Variants in MLLT1 observed in about 807,000 individuals in gnomAD.
MLLT1 encodes MLLT1 super elongation complex subunit, also known as protein ENL.
Under a neutral mutation model 55.1 loss-of-function variants are expected in MLLT1, and 11 were observed. That is an observed-to-expected ratio of 0.20 (90% confidence interval 0.13 to 0.33). MLLT1 has a LOEUF of 0.33. Among genes scored for constraint, MLLT1 ranks in the 10% least tolerant of loss-of-function variants. The pLI is 1.00. For synonymous variants in MLLT1, 323 were observed against 320.1 expected (o/e 1.01, Z -0.10); for missense variants, 536 against 760.6 (o/e 0.70, Z 3.47).
At chr19:6,253,805 T>C (rs1460488947) in intron 3 of MLLT1, among the ~76,000 whole-genome samples, 1 of 152,184 alleles carries the variant, frequency 6.6e-6, no homozygotes, top group Non-Finnish European at 1.5e-5. Flanking sequence ...AAAAACGTCA[T>C]TCAGCAAACT....
rs1384243236 is a variant in MLLT1, at chr19:6,216,490, C to T, written c.1222G>A (p.Asp408Asn). The change falls in exon 8 of 12, where the codon GAC becomes AAC. Residue 408 changes from aspartate to asparagine, a missense_variant. Asp to Asn is a conservative substitution (Grantham distance 23). Around this residue, in one of 3 missense-constraint regions of MLLT1, gnomAD observed 449 missense variants for 489.0 expected, o/e 0.92. Coordinates refer to ENST00000252674, the MANE Select transcript of MLLT1 (RefSeq NM_005934.4). ...SQGPLRSMVE[D>N]LQSEESDEDD... ...TCGTCGGACTCCTCGGACTGCAGGT[C>T]CTCCACCATGGAGCGCAGGGGTCCT... 3 of 1,603,680 alleles carry T rather than the reference C, an allele frequency of 1.9e-6. No individual in the cohort carries two copies. Among genetic ancestry groups the T allele is most frequent in the Middle Eastern group, 1.8e-4 (1 of 5,566 alleles).
rs1416667168 is a variant in MLLT1, at chr19:6,210,743, T to G, written c.*2299A>C. 1 of 229,284 alleles carries G rather than the reference T, an allele frequency of 4.4e-6. No individual in the cohort carries two copies. Among genetic ancestry groups the G allele is most frequent in the Non-Finnish European group, 8.6e-6 (1 of 115,696 alleles). The allele number at this position is 229,284 out of a possible 1,614,324, so 14.2% of individuals were successfully genotyped here. Reference sequence around the variant, plus strand: ...GTGCCAGGCCCCTTTCCTATGGAAGTGTCCCCAGAGCCCTCGTGGGCCCAG... The same window carrying G: ...GTGCCAGGCCCCTTTCCTATGGAAGGGTCCCCAGAGCCCTCGTGGGCCCAG... On this transcript the variant is annotated 3_prime_UTR_variant, in exon 12 of 12. Transcript: ENST00000252674. The surrounding 1 kb of genome is among the most constrained non-coding windows in gnomAD (Gnocchi z 4.6).
chr19:6,230,103 G>A lies in MLLT1; in HGVS notation c.420+467C>T, dbSNP rs561632536. 5.5e-4 allele frequency among the ~76,000 whole-genome samples: 83 copies of A among 152,212 alleles called. 1 individual carries two copies. In the South Asian group the frequency reaches 0.017, roughly 30 times the overall value. ...AGCCCCCACAGGGTCCGGAGGGCTCGACTCCAGCCACCGCATGGGGGTCCC... is the reference window on the plus strand; with the variant it reads ...AGCCCCCACAGGGTCCGGAGGGCTCAACTCCAGCCACCGCATGGGGGTCCC... On this transcript the variant is annotated intron_variant, in intron 4 of 11. Transcript: ENST00000252674. This position sits in a 1 kb window ranked among gnomAD's most constrained non-coding sequence, Gnocchi z 9.0.
At chr19:6,225,283 G>A (rs2090944864) in intron 5 of MLLT1, among the ~76,000 whole-genome samples, 1 of 152,210 alleles carries the variant, frequency 6.6e-6, no homozygotes, top group South Asian at 2.1e-4. Flanking sequence ...CAGTCCCCCG[G>A]CCTGGGGATT....
intron 1 of MLLT1, among the ~76,000 whole-genome samples, chr19:6,278,739 G>A (rs1051420245): frequency 1.8e-4 from 27 of 152,092 alleles, no homozygotes; most frequent in African/African-American, 6.5e-4. Flanking sequence ...GGCCATCAGT[G>A]ACTCAAAGGT....
At chr19:6,267,450 G>A (rs1370317382) in intron 2 of MLLT1, among the ~76,000 whole-genome samples, 1 of 151,966 alleles carries the variant, frequency 6.6e-6, no homozygotes, top group Non-Finnish European at 1.5e-5. Context: ...CTGAGAGAAT[G>A]GGGGGAAAAT....
chr19:6,246,691 C>T (rs1266472044), intron 3 of MLLT1, among the ~76,000 whole-genome samples: 4 of 151,960 alleles, frequency 2.6e-5, no homozygotes, highest in East Asian at 1.9e-4. Flanking sequence ...GGCAGAGTCC[C>T]GGTAGATACA....
chr19:6,253,264 CAAAAAAAAAAAAAAAAAA>C (rs71172800), intron 3 of MLLT1, among the ~76,000 whole-genome samples: 3 of 24,550 alleles, frequency 1.2e-4, no homozygotes, highest in African/African-American at 3.2e-4. Flanking sequence ...GACCCCATCT[CAAAAAAAAAAAAAAAAAA>C]AAAAAAAAAA....
At chr19:6,239,112 C>T (rs555939114) in intron 3 of MLLT1, among the ~76,000 whole-genome samples, 42 of 152,308 alleles carry the variant, frequency 2.8e-4, no homozygotes, top group South Asian at 1.2e-3. Context: ...AAAAGCCTCT[C>T]GCGTCCACAG....
intron 7 of MLLT1, 47 bp downstream of exon 7, chr19:6,217,907 G>C: frequency 6.4e-7 from 1 of 1,557,018 alleles, no homozygotes; most frequent in Non-Finnish European, 8.7e-7. Flanking sequence ...TGAGCTCCAG[G>C]CCCTCCCCGG....
intron 3 of MLLT1, among the ~76,000 whole-genome samples, chr19:6,257,683 T>C (rs1256819107): frequency 6.6e-6 from 1 of 151,526 alleles, no homozygotes; most frequent in Admixed American, 6.6e-5. Flanking sequence ...AGTCTATAAT[T>C]CCAGCTACTC....
chr19:6,213,722 C>CGA lies in MLLT1; in HGVS notation c.1479+3_1479+4insTC. ...TCCCCGCCTTGTCGTAGGTGCCCCC[C>CGA]CACCTTGTCGTAGGTGCCCTTCTTG... On this transcript the variant is annotated splice_donor_region_variant and intron_variant, in intron 10 of 11. Transcript: ENST00000252674. The CGA allele has an allele frequency of 1.9e-6, 3 of 1,612,674 alleles. No individual in the cohort carries two copies. The highest frequency in any genetic ancestry group is 2.5e-6 in the Non-Finnish European group (3 of 1,179,064).
At chr19:6,244,928 A>C (rs983675241) in intron 3 of MLLT1, among the ~76,000 whole-genome samples, 10 of 152,360 alleles carry the variant, frequency 6.6e-5, no homozygotes, top group African/African-American at 2.4e-4. Flanking sequence ...ATAATCAAAA[A>C]GGCAGAAAAT....
intron 5 of MLLT1, among the ~76,000 whole-genome samples, chr19:6,225,125 C>T (rs971542756): frequency 2.0e-5 from 3 of 152,218 alleles, no homozygotes; most frequent in African/African-American, 7.2e-5. Context: ...CTCCCTGCAG[C>T]TGCTGCCAGG....
chr19:6,274,721 C>G (rs2091419237), intron 1 of MLLT1, among the ~76,000 whole-genome samples: 1 of 152,228 alleles, frequency 6.6e-6, no homozygotes, highest in Non-Finnish European at 1.5e-5. Context: ...AACAAAAGCC[C>G]AGGATAAAGG....
At chr19:6,254,268 C>T (rs1319307442) in intron 3 of MLLT1, among the ~76,000 whole-genome samples, 3 of 152,222 alleles carry the variant, frequency 2.0e-5, no homozygotes, top group Admixed American at 6.5e-5. Context: ...CAGGCTGGCC[C>T]GTCTGAGGGC....
chr19:6,228,920 C>G (rs533305753), intron 4 of MLLT1, among the ~76,000 whole-genome samples: 1 of 152,298 alleles, frequency 6.6e-6, no homozygotes, highest in East Asian at 1.9e-4. Context: ...CTCTGTGGAG[C>G]CAGCGCTCCC....
chr19:6,255,385 C>T (rs906550655), intron 3 of MLLT1, among the ~76,000 whole-genome samples: 2 of 152,076 alleles, frequency 1.3e-5, no homozygotes, highest in Admixed American at 6.5e-5. Context: ...TCCAGCTACT[C>T]GGGAGGCTGA....
At chr19:6,272,457 ACTCAT>A (rs1311247643) in intron 1 of MLLT1, among the ~76,000 whole-genome samples, 1 of 151,822 alleles carries the variant, frequency 6.6e-6, no homozygotes, top group Admixed American at 6.6e-5. Context: ...TCAAAACCCT[ACTCAT>A]CTCAAGTCCT....
Sources: allele counts gnomAD v4.1 joint callset (sites outside exome capture counted in the v4.1 genomes callset), GRCh38; gene constraint gnomAD v4.1.1; regional missense constraint gnomAD v4.1.1; non-coding constraint Gnocchi (gnomAD v3.1); transcripts MANE v1.5; gene names NCBI Gene and HGNC (gene_info 2026-07-23, HGNC 2026-07-21).